Variants in BCKDHB observed in about 807,000 individuals in gnomAD.
BCKDHB encodes branched chain keto acid dehydrogenase E1 subunit beta.
In BCKDHB, 41 loss-of-function variants were observed where a neutral mutation model predicts 48.5. That is an observed-to-expected ratio of 0.85 (90% CI 0.66 to 1.10). The LOEUF is 1.10. Ranked by LOEUF, BCKDHB falls within the 50% of genes least tolerant of loss-of-function variation. The probability of loss-of-function intolerance (pLI) is 0.00; values close to 1 mark genes in which losing one functional copy is unlikely to be tolerated. For synonymous variants in BCKDHB, 201 were observed against 174.8 expected (o/e 1.15, Z -1.18); for missense variants, 496 against 494.2 (o/e 1.00, Z -0.03).
At chr6:80,382,084 GA>G in the BCKDHB span, among the ~76,000 whole-genome samples, 15 of 152,110 alleles carry the variant, frequency 9.9e-5, no homozygotes, top group Non-Finnish European at 2.1e-4. Flanking sequence ...CTGGGAAGAG[GA>G]AGCAGATGTT....
chr6:80,389,622 C>A, the BCKDHB span, among the ~76,000 whole-genome samples: 3,159 of 152,284 alleles, frequency 0.021, 51 homozygotes, highest in Middle Eastern at 0.054. Context: ...CACTTTATGG[C>A]TAAAGAAGTG....
chr6:80,379,960 C>T, the BCKDHB span, among the ~76,000 whole-genome samples: 1 of 151,810 alleles, frequency 6.6e-6, no homozygotes, highest in Non-Finnish European at 1.5e-5. Flanking sequence ...AGAAAAATAC[C>T]CCATGCTCAT....
Position 80,343,970 on chromosome 6 carries a change from A to T in BCKDHB, c.*166A>T. On this transcript the variant is annotated 3_prime_UTR_variant, in exon 10 of 10. Coordinates refer to ENST00000320393, the MANE Select transcript of BCKDHB (RefSeq NM_183050.4). ...GAAAATAATGTGCTTTAGAAAAAAA[A>T]TTCAAATTTATAGTAGTATATTTAC... 1.2e-6 allele frequency: 1 copy of T among 827,432 alleles called. No individual in the cohort carries two copies. The highest frequency in any genetic ancestry group is 1.9e-6 in the Non-Finnish European group (1 of 516,394). 51.3% of individuals were successfully genotyped at this position (827,432 alleles called of 1,614,324 possible).
At chr6:80,453,465 A>G in the BCKDHB span, among the ~76,000 whole-genome samples, 2 of 152,232 alleles carry the variant, frequency 1.3e-5, no homozygotes, top group Non-Finnish European at 2.9e-5. Flanking sequence ...GACCAGACAT[A>G]TAGGACCACA....
chr6:80,389,011 A>G, the BCKDHB span, among the ~76,000 whole-genome samples: 1 of 152,198 alleles, frequency 6.6e-6, no homozygotes, highest in Non-Finnish European at 1.5e-5. Context: ...AAGAAGCATG[A>G]TTGGAAAATT....
intron 9 of BCKDHB, among the ~76,000 whole-genome samples, chr6:80,318,699 AAAAAAG>A (rs1313705113): frequency 3.3e-5 from 5 of 150,738 alleles, no homozygotes; most frequent in Admixed American, 1.3e-4. Flanking sequence ...AAAAAAAAAA[AAAAAAG>A]AAAAGAAATT....
At chr6:80,213,584 C>T (rs985955146) in intron 8 of BCKDHB, among the ~76,000 whole-genome samples, 14 of 152,036 alleles carry the variant, frequency 9.2e-5, no homozygotes, top group Non-Finnish European at 1.9e-4. Flanking sequence ...TTACAAGATA[C>T]TGTCTCCCAG....
At chr6:80,108,330 C>G (rs1438184096) in intron 1 of BCKDHB, among the ~76,000 whole-genome samples, 6 of 148,086 alleles carry the variant, frequency 4.1e-5, no homozygotes, top group Admixed American at 1.3e-4. Flanking sequence ...TTTTCCACCA[C>G]CAAGATGAGC....
At chr6:80,192,968 G>A (rs1035304608) in intron 6 of BCKDHB, among the ~76,000 whole-genome samples, 4 of 151,856 alleles carry the variant, frequency 2.6e-5, no homozygotes, top group African/African-American at 7.3e-5. Context: ...ACAGGCACGT[G>A]CCACCATGCC....
In BCKDHB at chr6:80,126,159, G is replaced by C. The variant is rs190370030; in HGVS notation, c.197-1388G>C. 3.9e-5 allele frequency among the ~76,000 whole-genome samples: 6 copies of C among 152,252 alleles called. No individual in the cohort carries two copies. In the East Asian group the frequency reaches 1.2e-3, roughly 29 times the overall value. ...CCACCAAATATAAGAGTAGAAACAG[G>C]CTATGATTGTGGGCACAGAGGGCAG... On this transcript the variant is annotated intron_variant, in intron 1 of 9. Coordinates refer to ENST00000320393, the MANE Select transcript of BCKDHB (RefSeq NM_183050.4).
the BCKDHB span, among the ~76,000 whole-genome samples, chr6:80,439,121 A>G: frequency 6.6e-6 from 1 of 152,200 alleles, no homozygotes; most frequent in Non-Finnish European, 1.5e-5. Context: ...CCAGACCCAG[A>G]CACATCACTT....
chr6:80,186,583 A>G (rs1773652280), intron 6 of BCKDHB, among the ~76,000 whole-genome samples: 2 of 152,182 alleles, frequency 1.3e-5, no homozygotes, highest in Admixed American at 6.5e-5. Flanking sequence ...TCTGCAAGTT[A>G]TATGTGCACT....
the BCKDHB span, among the ~76,000 whole-genome samples, chr6:80,415,001 C>CTGTG: frequency 2.0e-5 from 3 of 149,918 alleles, no homozygotes; most frequent in Non-Finnish European, 4.5e-5. Context: ...TTAGGTATTT[C>CTGTG]TGTGTGTGTG....
intron 1 of BCKDHB, among the ~76,000 whole-genome samples, chr6:80,123,085 CT>C (rs1248672205): frequency 1.3e-5 from 2 of 151,202 alleles, no homozygotes; most frequent in East Asian, 3.9e-4. Flanking sequence ...TATAGGCTCT[CT>C]GCAAGAAGAA....
chr6:80,425,122 C>T, the BCKDHB span, among the ~76,000 whole-genome samples: 13 of 152,170 alleles, frequency 8.5e-5, no homozygotes, highest in African/African-American at 3.1e-4. Flanking sequence ...TGGAAGAAAC[C>T]AAACAAAGAT....
At chr6:80,411,969 G>A in the BCKDHB span, among the ~76,000 whole-genome samples, 2 of 152,182 alleles carry the variant, frequency 1.3e-5, no homozygotes, top group Non-Finnish European at 2.9e-5. Context: ...TGCACCCACT[G>A]TCCAGCCAGT....
chr6:80,419,614 G>A, the BCKDHB span, among the ~76,000 whole-genome samples: 3 of 152,160 alleles, frequency 2.0e-5, no homozygotes, highest in Admixed American at 6.5e-5. Context: ...TGCTACCCCT[G>A]CCATTTGTTT....
chr6:80,227,849 T>A (rs1775744667), intron 8 of BCKDHB, among the ~76,000 whole-genome samples: 1 of 152,190 alleles, frequency 6.6e-6, no homozygotes, highest in African/African-American at 2.4e-5. Context: ...CTGTGACTCA[T>A]TTTAGTTCCC....
chr6:80,381,786 C>T, the BCKDHB span, among the ~76,000 whole-genome samples: 1 of 152,006 alleles, frequency 6.6e-6, no homozygotes, highest in Admixed American at 6.6e-5. Flanking sequence ...GCTGTTAATT[C>T]CTATAGCATC....
Sources: allele counts gnomAD v4.1 joint callset (sites outside exome capture counted in the v4.1 genomes callset), GRCh38; gene constraint gnomAD v4.1.1; transcripts MANE v1.5; gene names NCBI Gene and HGNC (gene_info 2026-07-23, HGNC 2026-07-21).